Variants in ATP13A3 observed in about 807,000 individuals in gnomAD.
ATP13A3 encodes the protein ATPase 13A3, also known as polyamine-transporting ATPase 13A3.
In ATP13A3, 59 loss-of-function variants were observed where a neutral mutation model predicts 158.1. The ratio of observed to expected loss-of-function variants is 0.37; its 90% CI spans 0.30 to 0.46. The LOEUF (loss-of-function observed/expected upper bound fraction) is 0.46, where lower values mean the gene tolerates loss of function less well. Ranked by LOEUF, ATP13A3 falls within the 20% of genes least tolerant of loss-of-function variation. The probability of loss-of-function intolerance (pLI) is 1.00; values close to 1 mark genes in which losing one functional copy is unlikely to be tolerated. For synonymous variants in ATP13A3, 491 were observed against 504.3 expected, an observed-to-expected ratio of 0.97 and a Z score of 0.35; for missense variants, 1,166 against 1,525.2, an observed-to-expected ratio of 0.76 and a Z score of 3.92.
intron 33 of ATP13A3, among the ~76,000 whole-genome samples, chr3:194,410,316 A>AAAAAAAC (rs1715290519): frequency 6.9e-6 from 1 of 145,472 alleles, no homozygotes; most frequent in Non-Finnish European, 1.5e-5. Context: ...AAAAAAAAAA[A>AAAAAAAC]AAAAAAAAAA....
At chr3:194,453,644 T>C in intron 10 of ATP13A3, 62 bp downstream of exon 10, 1 of 1,350,140 alleles carries the variant, frequency 7.4e-7, no homozygotes, top group Non-Finnish European at 1.1e-6. Flanking sequence ...TTGGGCTTAC[T>C]TCACACATTA....
chr3:194,492,648 G>T lies in ATP13A3; in HGVS notation n.746+1402C>A, dbSNP rs190112080. On this transcript the variant is annotated intron_variant and non_coding_transcript_variant, in intron 2 of 32. Transcript: ENST00000687055. ...TTTTTGTATTTTTAGTAGAGACAGGGTTTCACCATGTTGGCCAGGCTGGTC... is the reference window on the plus strand; with the variant it reads ...TTTTTGTATTTTTAGTAGAGACAGGTTTTCACCATGTTGGCCAGGCTGGTC... 9.6e-3 allele frequency among the ~76,000 whole-genome samples: 1,465 copies of T among 152,048 alleles called. 9 individuals are homozygous for T. The highest frequency in any genetic ancestry group is 0.015 in the Non-Finnish European group (1,005 of 67,978).
At position 194,448,430 on chromosome 3, in the gene ATP13A3, A is replaced by C; in HGVS notation, c.1150+27T>G. 6.2e-7 allele frequency: 1 copy of C among 1,604,318 alleles called. No homozygotes were observed. The highest frequency in any genetic ancestry group is 8.5e-7 in the Non-Finnish European group (1 of 1,171,480). On this transcript the variant is annotated intron_variant, in intron 12 of 33. Transcript: ENST00000645319. This position sits in a 1 kb window ranked among gnomAD's most constrained non-coding sequence, Gnocchi z 4.0. ...GTATCAAATATGCTGAAACATGCAA[A>C]AAGAGATTAATTAAGATGTTTCCTA...
Position 194,492,989 on chromosome 3 carries a change from G to A in ATP13A3, n.746+1061C>T, listed in dbSNP as rs114549147. Among the ~76,000 whole-genome samples, 1,498 of 152,224 alleles carry A rather than the reference G, an allele frequency of 9.8e-3. 24 individuals carry two copies. Among genetic ancestry groups the A allele is most frequent in the African/African-American group, 0.034 (1,422 of 41,552 alleles). ...AAAATATCCTTCTCACCCGGGCACA[G>A]TGGCAGGTGCCTGTAGTCCCAGCTA... On this transcript the variant is annotated intron_variant and non_coding_transcript_variant, in intron 2 of 32. Coordinates refer to the ATP13A3 transcript ENST00000687055.
chr3:194,430,379 T>A, intron 24 of ATP13A3, 64 bp from the exon 25 acceptor site: 1 of 1,517,414 alleles, frequency 6.6e-7, no homozygotes, highest in Non-Finnish European at 9.0e-7. Flanking sequence ...TTTAACTTAT[T>A]AAGACTTTTC....
intron 2 of ATP13A3, among the ~76,000 whole-genome samples, chr3:194,462,717 C>T (rs917722741): frequency 3.9e-5 from 6 of 152,160 alleles, no homozygotes; most frequent in African/African-American, 1.4e-4. Context: ...ATGTATTCAT[C>T]ACTTGCTCAT....
intron 2 of ATP13A3, among the ~76,000 whole-genome samples, chr3:194,463,960 G>C (rs2108988863): frequency 6.6e-6 from 1 of 152,326 alleles, no homozygotes; most frequent in Middle Eastern, 3.4e-3. Context: ...AGGAGTTCAA[G>C]ACCAGCCTGG....
At chr3:194,413,922 G>C (rs1715623881) in intron 31 of ATP13A3, 83 bp from the exon 32 acceptor site, 2 of 1,183,964 alleles carry the variant, frequency 1.7e-6, no homozygotes, top group Admixed American at 3.4e-5. Context: ...TAAATTTATT[G>C]AATTCCTATG....
chr3:194,458,725 G>C (rs1418747057), intron 6 of ATP13A3, among the ~76,000 whole-genome samples: 1 of 152,078 alleles, frequency 6.6e-6, no homozygotes, highest in Admixed American at 6.6e-5. Flanking sequence ...ATCAGGAATG[G>C]TTTTTAAAAC....
In ATP13A3 at chr3:194,428,848, T is replaced by A. The variant is rs758747592; in HGVS notation, c.2944A>T (p.Thr982Ser). The A allele has an allele frequency of 6.3e-7, 1 of 1,586,922 alleles. No individual in the cohort carries two copies. The highest frequency in any genetic ancestry group is 2.3e-5 in the East Asian group (1 of 44,430). Residue 982 changes from threonine (T) to serine (S), a missense_variant, in exon 28 of 34, where the codon ACA becomes TCA. Coordinates refer to ENST00000645319, the MANE Select transcript of ATP13A3 (RefSeq NM_001367549.1). ...AATAACAAAGCAAAATACTCACTTGTAAATACCACTACCAAAATGATTGCC... is the reference window on the plus strand; with the variant it reads ...AATAACAAAGCAAAATACTCACTTGAAAATACCACTACCAAAATGATTGCC... The part of the protein sequence containing the change: ...DLAIILVVVF[T>S]MSLNPAWKEL...
At chr3:194,456,942 AC>A (rs1719273487) in intron 7 of ATP13A3, 151 bp downstream of exon 7, 1 of 470,118 alleles carries the variant, frequency 2.1e-6, no homozygotes, top group African/African-American at 2.0e-5. Context: ...AGACAGTCTT[AC>A]CCAAATAAAA....
At chr3:194,439,868 G>GA (rs1477799316) in intron 16 of ATP13A3, among the ~76,000 whole-genome samples, 2 of 152,286 alleles carry the variant, frequency 1.3e-5, no homozygotes, top group East Asian at 3.9e-4. Flanking sequence ...TAAATCTACT[G>GA]AAAATCTATT....
intron 28 of ATP13A3, among the ~76,000 whole-genome samples, chr3:194,428,231 A>AAAAAAAAG (rs557252872): frequency 0.24 from 33,874 of 140,950 alleles, 5,442 homozygotes; most frequent in African/African-American, 0.43. Flanking sequence ...AAAAAAAAAA[A>AAAAAAAAG]AAAAAAGAAA....
At chr3:194,410,321 A>C (rs1024691056) in intron 33 of ATP13A3, among the ~76,000 whole-genome samples, 8 of 119,200 alleles carry the variant, frequency 6.7e-5, no homozygotes, top group East Asian at 5.3e-4. Context: ...AAAAAAAAAA[A>C]AAAAAAAAAA....
chr3:194,453,283 A>T (rs1307048763), intron 10 of ATP13A3, among the ~76,000 whole-genome samples: 4 of 140,996 alleles, frequency 2.8e-5, no homozygotes, highest in African/African-American at 8.3e-5. Flanking sequence ...TCGACTTTAA[A>T]AAAAAAAAAA....
intron 32 of ATP13A3, chr3:194,412,526 G>T: frequency 2.1e-6 from 1 of 480,076 alleles, no homozygotes; most frequent in Non-Finnish European, 3.8e-6. Context: ...ATGAAATATG[G>T]CTTTTGTATA....
intron 18 of ATP13A3, 22 bp downstream of exon 18, chr3:194,437,533 AG>A (rs1560088793): frequency 1.2e-6 from 2 of 1,611,380 alleles, no homozygotes; most frequent in Admixed American, 3.3e-5. Flanking sequence ...ATACTTAGTA[AG>A]AAGTAAACAT....
intron 2 of ATP13A3, among the ~76,000 whole-genome samples, chr3:194,470,856 A>T (rs1720268910): frequency 6.6e-6 from 1 of 152,200 alleles, no homozygotes; most frequent in Non-Finnish European, 1.5e-5. Flanking sequence ...GGCAACAGGA[A>T]ACAGTGATAA....
chr3:194,466,263 T>TA (rs144823435), intron 2 of ATP13A3, among the ~76,000 whole-genome samples: 2 of 151,454 alleles, frequency 1.3e-5, no homozygotes, highest in Non-Finnish European at 2.9e-5. Flanking sequence ...ATCAATGAAA[T>TA]AAAAAAACAG....
Sources: gnomAD v4.1 joint callset for allele counts (sites outside exome capture counted in the v4.1 genomes callset) on GRCh38, gnomAD v4.1.1 for gene constraint, Gnocchi (gnomAD v3.1) non-coding constraint, MANE v1.5 for transcripts, NCBI Gene and HGNC (gene_info 2026-07-23, HGNC 2026-07-21) for gene names.